DAPK1: variants seen among roughly 807,000 people sequenced by gnomAD.
DAPK1 encodes death-associated protein kinase 1.
In DAPK1, 56 loss-of-function variants were observed where a neutral mutation model predicts 144.9. The observed-to-expected ratio is 0.39, with a 90% CI of 0.31 to 0.48. The LOEUF is 0.48. Among genes scored for constraint, DAPK1 ranks in the 20% least tolerant of loss-of-function variants. The pLI, the probability that DAPK1 is intolerant of heterozygous loss-of-function variation, is 0.95. For synonymous variants in DAPK1, 690 were observed against 749.0 expected (o/e 0.92, Z 1.29); for missense variants, 1,454 against 1,875.4 (o/e 0.78, Z 4.15).
intron 3 of DAPK1, among the ~76,000 whole-genome samples, chr9:87,622,492 G>A (rs1350197558): frequency 6.6e-6 from 1 of 152,200 alleles, no homozygotes; most frequent in Non-Finnish European, 1.5e-5. Flanking sequence ...GATGTATTCA[G>A]TGGGTAGAGG....
chr9:87,679,303 G>C (rs747052408), intron 19 of DAPK1, among the ~76,000 whole-genome samples: 9 of 152,116 alleles, frequency 5.9e-5, no homozygotes, highest in Admixed American at 1.3e-4. Context: ...TGGCAGGCAA[G>C]ACAGGTTTTG....
At chr9:87,650,163 G>C in intron 16 of DAPK1, 45 bp downstream of exon 16, 1 of 1,595,856 alleles carries the variant, frequency 6.3e-7, no homozygotes. Flanking sequence ...AGTGATCTAG[G>C]GGTCTAGAGG....
intron 2 of DAPK1, among the ~76,000 whole-genome samples, chr9:87,543,069 G>A (rs1428886404): frequency 6.6e-6 from 1 of 152,164 alleles, no homozygotes; most frequent in Non-Finnish European, 1.5e-5. Flanking sequence ...AATAAGTAGG[G>A]ATTTAAAATA....
At chr9:87,561,699 T>G (rs1026278730) in intron 2 of DAPK1, among the ~76,000 whole-genome samples, 1 of 152,174 alleles carries the variant, frequency 6.6e-6, no homozygotes, top group African/African-American at 2.4e-5. Context: ...GGCATTGCAT[T>G]TGGGTGCTAG....
chr9:87,680,655 GCACA>G (rs925379713), intron 19 of DAPK1, among the ~76,000 whole-genome samples: 23 of 150,966 alleles, frequency 1.5e-4, no homozygotes, highest in Middle Eastern at 3.4e-3. Flanking sequence ...ACACACACGC[GCACA>G]CACACACACA....
intron 3 of DAPK1, among the ~76,000 whole-genome samples, chr9:87,614,973 C>T (rs1014886810): frequency 6.6e-6 from 1 of 152,128 alleles, no homozygotes; most frequent in Admixed American, 6.6e-5. Flanking sequence ...GACAGGCAGC[C>T]GGGGATGGTT....
intron 19 of DAPK1, among the ~76,000 whole-genome samples, chr9:87,671,234 T>C (rs1172466925): frequency 1.3e-5 from 2 of 152,310 alleles, no homozygotes; most frequent in Non-Finnish European, 2.9e-5. Flanking sequence ...ATTCTGAGTT[T>C]CTGGGGGTGG....
chr9:87,638,243 C>T (rs746667972), intron 4 of DAPK1, among the ~76,000 whole-genome samples, 162 bp downstream of exon 4: 6 of 152,158 alleles, frequency 3.9e-5, no homozygotes, highest in Non-Finnish European at 5.9e-5. Flanking sequence ...AGGATACATG[C>T]CCCCCACTGG....
rs574364013 is a variant in DAPK1 at position 87,688,248 on chromosome 9, A to G, written c.2413+1509A>G. On this transcript the variant is annotated intron_variant, in intron 21 of 25. Transcript: ENST00000408954. ...AGGATAATAGCCTCCAGCTCCATTC[A>G]TGTTGCTGCAAAGGACATGATTTTC... 2.6e-5 allele frequency among the ~76,000 whole-genome samples: 4 copies of G among 152,294 alleles called. No individual in the cohort carries two copies. The South Asian group carries it at 8.3e-4, about 32-fold the overall frequency.
chr9:87,543,994 A>C (rs1826147839), intron 2 of DAPK1, among the ~76,000 whole-genome samples: 1 of 152,218 alleles, frequency 6.6e-6, no homozygotes, highest in Admixed American at 6.5e-5. Context: ...TCTGGAAGGC[A>C]GGGATTCAAT....
At chr9:87,531,410 G>A (rs1217455797) in intron 2 of DAPK1, among the ~76,000 whole-genome samples, 1 of 152,128 alleles carries the variant, frequency 6.6e-6, no homozygotes, top group Admixed American at 6.6e-5. Flanking sequence ...TTTGTAATTT[G>A]GGGAACCAGA....
chr9:87,582,641 G>A (rs949860247), intron 2 of DAPK1, among the ~76,000 whole-genome samples: 4 of 148,006 alleles, frequency 2.7e-5, no homozygotes, highest in African/African-American at 1.0e-4. Flanking sequence ...TGCAACCTCC[G>A]CCTCCCAGGT....
chr9:87,567,892 T>C (rs920637982), intron 2 of DAPK1, among the ~76,000 whole-genome samples: 2 of 152,238 alleles, frequency 1.3e-5, no homozygotes, highest in African/African-American at 4.8e-5. Context: ...CCAAATGCTT[T>C]CGTGTTCACT....
chr9:87,523,668 G>C (rs1031870466), intron 2 of DAPK1, among the ~76,000 whole-genome samples: 152 of 152,256 alleles, frequency 1.0e-3, no homozygotes, highest in African/African-American at 3.5e-3. Context: ...TATTATGTAT[G>C]TTTAAGTCTG....
At chr9:87,596,992 T>G (rs1008519296) in intron 2 of DAPK1, among the ~76,000 whole-genome samples, 4 of 152,164 alleles carry the variant, frequency 2.6e-5, no homozygotes, top group African/African-American at 9.6e-5. Context: ...CTCACGCACG[T>G]GCCTGGCCTC....
chr9:87,531,488 A>C (rs1426437710), intron 2 of DAPK1, among the ~76,000 whole-genome samples: 2 of 152,136 alleles, frequency 1.3e-5, no homozygotes, highest in African/African-American at 4.8e-5. Context: ...TGAAGGGAGA[A>C]GTTGGGGGTA....
chr9:87,596,643 A>G (rs1043743018), intron 2 of DAPK1, among the ~76,000 whole-genome samples: 1 of 152,022 alleles, frequency 6.6e-6, no homozygotes, highest in Non-Finnish European at 1.5e-5. Context: ...GGTGGTTTGG[A>G]CACCCTCACT....
chr9:87,602,192 T>A (rs1241584377), intron 2 of DAPK1, among the ~76,000 whole-genome samples: 1 of 152,102 alleles, frequency 6.6e-6, no homozygotes, highest in South Asian at 2.1e-4. Flanking sequence ...TTGCAGTAGG[T>A]CTAGAACAAG....
chr9:87,547,427 A>C lies in DAPK1; in HGVS notation c.62+48288A>C, dbSNP rs1826290313. 2.0e-5 allele frequency among the ~76,000 whole-genome samples: 3 copies of C among 152,160 alleles called. No individual in the cohort carries two copies. The South Asian group carries it at 6.2e-4, about 31-fold the overall frequency. On this transcript the variant is annotated intron_variant, in intron 2 of 25. Coordinates refer to ENST00000408954, the MANE Select transcript of DAPK1 (RefSeq NM_004938.4). Reference sequence around the variant, plus strand: ...CTGAACAGTACAGTAGCCCCTACCTACATGTAGCTACTGAGCACTCAGATA... The same window carrying C: ...CTGAACAGTACAGTAGCCCCTACCTCCATGTAGCTACTGAGCACTCAGATA...
Sources: gnomAD v4.1 joint callset for allele counts (sites outside exome capture counted in the v4.1 genomes callset) on GRCh38, gnomAD v4.1.1 for gene constraint, MANE v1.5 for transcripts, NCBI Gene and HGNC (gene_info 2026-07-23, HGNC 2026-07-21) for gene names.